ALG9: variants seen among roughly 807,000 people sequenced by gnomAD.
ALG9 encodes the protein ALG9 alpha-1,2-mannosyltransferase.
In ALG9, 55 loss-of-function variants were observed where a neutral mutation model predicts 81.8. The ratio of observed to expected loss-of-function variants is 0.67; its 90% CI spans 0.54 to 0.84. The LOEUF is 0.84. Ranked by LOEUF, ALG9 falls within the 40% of genes least tolerant of loss-of-function variation. ALG9 has a pLI of 0.00. For missense variants in ALG9, 629 were observed against 745.0 expected (o/e 0.84, Z 1.81); for synonymous variants, 278 against 274.3 (o/e 1.01, Z -0.13).
intron 8 of ALG9, among the ~76,000 whole-genome samples, chr11:111,848,148 G>C (rs545420861): frequency 6.6e-6 from 1 of 151,936 alleles, no homozygotes; most frequent in African/African-American, 2.4e-5. Flanking sequence ...CTTCATCCAG[G>C]AATACAAATA....
At chr11:111,808,922 T>C (rs1268736812) in intron 14 of ALG9, among the ~76,000 whole-genome samples, 4 of 152,192 alleles carry the variant, frequency 2.6e-5, no homozygotes, top group African/African-American at 9.7e-5. Context: ...CCTGGTCCAT[T>C]TGGTCTCTCT....
At chr11:111,840,853 A>G (rs1334509462) in intron 9 of ALG9, 44 bp from the exon 10 acceptor site, 2 of 1,607,190 alleles carry the variant, frequency 1.2e-6, no homozygotes, top group East Asian at 2.2e-5. Flanking sequence ...ATATTAGAAC[A>G]AAACAACATA....
the ALG9 span, among the ~76,000 whole-genome samples, chr11:111,770,101 G>A: frequency 6.6e-6 from 1 of 152,082 alleles, no homozygotes; most frequent in Non-Finnish European, 1.5e-5. Context: ...CTTCAATGAA[G>A]GTGATTAAAA....
At chr11:111,805,358 G>C (rs1555084174) in intron 14 of ALG9, 3 of 455,248 alleles carry the variant, frequency 6.6e-6, no homozygotes, top group East Asian at 1.4e-4. Context: ...CCCAGTTTAT[G>C]GTCATTTGTT....
At chr11:111,845,525 A>C (rs1956828103) in intron 8 of ALG9, 1 of 152,214 alleles carries the variant, frequency 6.6e-6, no homozygotes, top group African/African-American at 2.4e-5. Flanking sequence ...TTAAGGATTC[A>C]GAATGAAGCA....
downstream of ALG9, among the ~76,000 whole-genome samples, chr11:111,779,808 T>C (rs1397113289): frequency 2.0e-5 from 3 of 152,208 alleles, no homozygotes; most frequent in Non-Finnish European, 4.4e-5. Flanking sequence ...TAAAATGTTA[T>C]TTAAACCCAA....
intron 6 of ALG9, 67 bp from the exon 7 acceptor site, chr11:111,853,803 T>C (rs782190871): frequency 1.4e-4 from 185 of 1,315,734 alleles, no homozygotes; most frequent in Non-Finnish European, 1.9e-4. Context: ...GATTCACACA[T>C]ACCTCATGCT....
intron 14 of ALG9, chr11:111,788,550 C>A (rs549062614): frequency 4.5e-5 from 19 of 423,470 alleles, no homozygotes; most frequent in Admixed American, 8.9e-5. Flanking sequence ...TTGAGCCCAG[C>A]CTGGGCAACA....
downstream of ALG9, among the ~76,000 whole-genome samples, chr11:111,778,816 CTT>C (rs61190059): frequency 1.9e-4 from 26 of 138,518 alleles, no homozygotes; most frequent in Admixed American, 2.9e-4. Context: ...CTTTTCTTTT[CTT>C]TTTTTTTTTT....
chr11:111,826,391 TA>T (rs5794766), intron 13 of ALG9, among the ~76,000 whole-genome samples: 95,486 of 145,118 alleles, frequency 0.66, 31,134 homozygotes, highest in East Asian at 0.77. Flanking sequence ...ATCCAGAGTT[TA>T]AAAAAAAAAA....
chr11:111,798,947 C>T (rs186046914), intron 14 of ALG9, among the ~76,000 whole-genome samples: 20 of 152,340 alleles, frequency 1.3e-4, no homozygotes, highest in Non-Finnish European at 2.8e-4. Context: ...AATGGTCTAA[C>T]ACCACTTAGC....
At chr11:111,775,856 A>G in the ALG9 span, among the ~76,000 whole-genome samples, 1 of 152,238 alleles carries the variant, frequency 6.6e-6, no homozygotes, top group Non-Finnish European at 1.5e-5. Context: ...AATAGGGACT[A>G]TAAGTCACGG....
In ALG9 at chr11:111,783,668, T is replaced by TG. The variant is rs1555059018; in HGVS notation, c.*2728dup. The TG allele has an allele frequency of 6.6e-6, 1 of 152,164 alleles. No homozygotes were observed. The highest frequency in any genetic ancestry group is 2.4e-5 in the African/African-American group (1 of 41,444). The allele number at this position is 152,164 out of a possible 1,614,324, so 9.4% of individuals were successfully genotyped here. ...CTATCCTTCCTATACTAAAAAGTGA[T>TG]GGAGATTTTTTAAAATGTGTTTATA... On this transcript the variant is annotated 3_prime_UTR_variant, in exon 15 of 15. Coordinates refer to ENST00000616540, the MANE Select transcript of ALG9 (RefSeq NM_024740.2).
intron 14 of ALG9, among the ~76,000 whole-genome samples, chr11:111,802,380 C>T (rs1290417315): frequency 6.6e-6 from 1 of 152,144 alleles, no homozygotes; most frequent in Non-Finnish European, 1.5e-5. Context: ...CTGATAAATG[C>T]TATAACATGA....
chr11:111,801,254 G>A (rs1330357064), intron 14 of ALG9, among the ~76,000 whole-genome samples: 1 of 152,206 alleles, frequency 6.6e-6, no homozygotes, highest in Non-Finnish European at 1.5e-5. Context: ...CCTCAGCTCT[G>A]AGGCACACAG....
chr11:111,776,513 A>G, the ALG9 span, among the ~76,000 whole-genome samples: 1 of 152,012 alleles, frequency 6.6e-6, no homozygotes, highest in South Asian at 2.1e-4. Context: ...GCTTGAACCC[A>G]GGAGGTGGAG....
intron 14 of ALG9, among the ~76,000 whole-genome samples, chr11:111,791,565 C>T (rs1947414354): frequency 6.6e-6 from 1 of 152,184 alleles, no homozygotes; most frequent in Non-Finnish European, 1.5e-5. Context: ...TCTCTCATTG[C>T]CTACAAAGCC....
chr11:111,868,574 G>T, intron 3 of ALG9, 28 bp downstream of exon 3: 1 of 1,609,558 alleles, frequency 6.2e-7, no homozygotes, highest in South Asian at 1.1e-5. Flanking sequence ...GATCAATTGT[G>T]ATTGCTTCCA....
chr11:111,832,639 G>A (rs1191850192), intron 13 of ALG9, among the ~76,000 whole-genome samples: 2 of 152,094 alleles, frequency 1.3e-5, no homozygotes, highest in African/African-American at 4.8e-5. Flanking sequence ...TTCCCAATAA[G>A]CTTTGTGGTT....
Sources: gnomAD v4.1 joint callset for allele counts (sites outside exome capture counted in the v4.1 genomes callset) on GRCh38, gnomAD v4.1.1 for gene constraint, MANE v1.5 for transcripts, NCBI Gene and HGNC (gene_info 2026-07-23, HGNC 2026-07-21) for gene names.